Variants in FMNL2 observed in about 807,000 individuals in gnomAD.
The protein encoded by FMNL2 is formin-like protein 2.
In FMNL2, 51 loss-of-function variants were observed where a neutral mutation model predicts 130.2. The observed-to-expected ratio is 0.39, with a 90% confidence interval of 0.31 to 0.49. FMNL2 has a LOEUF of 0.49. Among genes scored for constraint, FMNL2 ranks in the 20% least tolerant of loss-of-function variants. FMNL2 has a pLI of 0.85. For synonymous variants in FMNL2, 465 were observed against 467.1 expected (o/e 1.00, Z 0.06); for missense variants, 977 against 1,316.2 (o/e 0.74, Z 3.99).
intron 22 of FMNL2, among the ~76,000 whole-genome samples, chr2:152,636,981 TAGGC>T (rs1360292723): frequency 6.6e-6 from 1 of 152,074 alleles, no homozygotes; most frequent in Non-Finnish European, 1.5e-5. Flanking sequence ...TGCTGATAGA[TAGGC>T]AGGCCTGCAA....
At chr2:152,510,436 T>A (rs1410404905) in intron 1 of FMNL2, among the ~76,000 whole-genome samples, 1 of 152,130 alleles carries the variant, frequency 6.6e-6, no homozygotes, top group Non-Finnish European at 1.5e-5. Context: ...CTCAAAAAGA[T>A]CTTGATGTTG....
At chr2:152,463,729 T>C (rs1579725808) in intron 1 of FMNL2, among the ~76,000 whole-genome samples, 1 of 152,352 alleles carries the variant, frequency 6.6e-6, no homozygotes, top group African/African-American at 2.4e-5. Flanking sequence ...ACCATCCCCT[T>C]TCCCTCTCCC....
chr2:152,569,895 C>G (rs1182390133), intron 6 of FMNL2, among the ~76,000 whole-genome samples: 2 of 150,866 alleles, frequency 1.3e-5, no homozygotes, highest in East Asian at 3.9e-4. Flanking sequence ...CCTGTAATCT[C>G]AGCTACTTGG....
chr2:152,445,160 G>T (rs767474888), intron 1 of FMNL2, among the ~76,000 whole-genome samples: 3 of 152,218 alleles, frequency 2.0e-5, no homozygotes, highest in Non-Finnish European at 4.4e-5. Context: ...TAAAGAAATG[G>T]AGTCTTTTAC....
At position 152,503,474 on chromosome 2, in the gene FMNL2, G is replaced by T. The variant is rs1475226552; in HGVS notation, c.118-18469G>T. On this transcript the variant is annotated intron_variant, in intron 1 of 25. Coordinates refer to ENST00000288670, the MANE Select transcript of FMNL2 (RefSeq NM_052905.4). ...TAGACATAGAGGGTGGGGAATTCTGGATAAACTGACTTAGAGTTCTTGCCA... is the reference window on the plus strand; with the variant it reads ...TAGACATAGAGGGTGGGGAATTCTGTATAAACTGACTTAGAGTTCTTGCCA... Among the ~76,000 whole-genome samples, 7 of 152,264 alleles carry T rather than the reference G, an allele frequency of 4.6e-5. No individual in the cohort carries two copies. In the South Asian group the frequency reaches 1.0e-3, roughly 23 times the overall value.
intron 1 of FMNL2, among the ~76,000 whole-genome samples, chr2:152,478,552 TATTGTTAC>T (rs1483009528): frequency 1.3e-5 from 2 of 152,068 alleles, no homozygotes; most frequent in African/African-American, 2.4e-5. Context: ...TTTTTTTAGT[TATTGTTAC>T]AAAAAGGCAA....
At chr2:152,575,277 A>C in intron 7 of FMNL2, 33 bp downstream of exon 7, 3 of 1,415,590 alleles carry the variant, frequency 2.1e-6, no homozygotes, top group Non-Finnish European at 2.9e-6. Context: ...TTTAAAAAAA[A>C]CCTGAATTAA....
chr2:152,475,788 C>T lies in FMNL2; in HGVS notation c.118-46155C>T, dbSNP rs150212381. Among the ~76,000 whole-genome samples, 47 of 152,066 alleles carry T rather than the reference C, an allele frequency of 3.1e-4. 1 individual carries two copies. Among genetic ancestry groups the T allele is most frequent in the African/African-American group, 4.1e-4 (17 of 41,482 alleles). On this transcript the variant is annotated intron_variant, in intron 1 of 25. Transcript: ENST00000288670. ...TGCTGGGGTTACAGGCATGAGCCAC[C>T]GCGCCTGGCCAAGAATAGATTTTTA...
intron 1 of FMNL2, among the ~76,000 whole-genome samples, chr2:152,480,776 T>C (rs373703889): frequency 3.3e-5 from 5 of 151,466 alleles, no homozygotes; most frequent in African/African-American, 1.2e-4. Flanking sequence ...TTTTCAAGAA[T>C]ACAGTATACA....
At chr2:152,371,241 T>G (rs1363985137) in intron 1 of FMNL2, among the ~76,000 whole-genome samples, 2 of 152,216 alleles carry the variant, frequency 1.3e-5, no homozygotes, top group Non-Finnish European at 2.9e-5. Context: ...GACAAGGGCA[T>G]TAATATCAAT....
chr2:152,368,018 CG>C (rs1410000346), intron 1 of FMNL2, among the ~76,000 whole-genome samples: 3 of 152,272 alleles, frequency 2.0e-5, no homozygotes, highest in South Asian at 4.1e-4. Flanking sequence ...AGATCTCACA[CG>C]TGACTCACGT....
intron 1 of FMNL2, among the ~76,000 whole-genome samples, chr2:152,494,127 G>A (rs1471458919): frequency 2.6e-5 from 4 of 152,196 alleles, no homozygotes; most frequent in Non-Finnish European, 5.9e-5. Context: ...GCAGAGTGGG[G>A]CAGTTCCTCT....
intron 1 of FMNL2, among the ~76,000 whole-genome samples, chr2:152,452,544 C>G (rs982331583): frequency 3.3e-5 from 5 of 152,100 alleles, no homozygotes; most frequent in Admixed American, 2.0e-4. Context: ...TCCTCCCCCC[C>G]CTAGTTTTCT....
chr2:152,578,281 G>C (rs1696585099), intron 7 of FMNL2, among the ~76,000 whole-genome samples: 1 of 152,108 alleles, frequency 6.6e-6, no homozygotes. Flanking sequence ...ACTGATCCCT[G>C]GTGTAGTCAA....
chr2:152,360,663 T>TCTGTATATTCAAAGGAAATCAAAACAAG (rs1683111576), intron 1 of FMNL2, among the ~76,000 whole-genome samples: 1 of 152,206 alleles, frequency 6.6e-6, no homozygotes, highest in Non-Finnish European at 1.5e-5. Context: ...ATATATAAGT[T>TCTGTATATTCAAAGGAAATCAAAACAAG]CTGTATATTC....
intron 1 of FMNL2, among the ~76,000 whole-genome samples, chr2:152,410,861 G>T (rs190086735): frequency 2.0e-5 from 3 of 152,144 alleles, no homozygotes; most frequent in African/African-American, 7.2e-5. Context: ...GTGGCCTTAC[G>T]GTAGCTTGCT....
At chr2:152,499,105 C>A (rs79407846) in intron 1 of FMNL2, among the ~76,000 whole-genome samples, 11,101 of 152,126 alleles carry the variant, frequency 0.073, 653 homozygotes, top group Admixed American at 0.21. Flanking sequence ...TTTTCTTCTC[C>A]GGGAGCTTGG....
intron 9 of FMNL2, among the ~76,000 whole-genome samples, chr2:152,596,838 G>T (rs899464353): frequency 6.6e-6 from 1 of 152,158 alleles, no homozygotes; most frequent in Non-Finnish European, 1.5e-5. Context: ...ATAATAGTGG[G>T]CATTCTTCTT....
intron 9 of FMNL2, among the ~76,000 whole-genome samples, chr2:152,581,629 G>T (rs973124271): frequency 1.3e-5 from 2 of 152,118 alleles, no homozygotes; most frequent in African/African-American, 2.4e-5. Context: ...AAACATCACC[G>T]CCGCGGGCCC....
Sources: gnomAD v4.1 joint callset for allele counts (sites outside exome capture counted in the v4.1 genomes callset) on GRCh38, gnomAD v4.1.1 for gene constraint, MANE v1.5 for transcripts, NCBI Gene and HGNC (gene_info 2026-07-23, HGNC 2026-07-21) for gene names.